Variants in CHD2 observed in about 807,000 individuals in gnomAD.
CHD2 encodes the protein chromodomain helicase DNA binding protein 2.
In CHD2, 28 loss-of-function variants were observed where a neutral mutation model predicts 243.9. That is an observed-to-expected ratio of 0.11 (90% CI 0.09 to 0.16). The LOEUF is 0.16. Ranked by LOEUF, CHD2 falls within the 10% of genes least tolerant of loss-of-function variation. CHD2 has a pLI of 1.00. For missense variants in CHD2, 1,386 were observed against 2,209.8 expected (o/e 0.63, Z 7.47); for synonymous variants, 775 against 779.0 (o/e 0.99, Z 0.09).
At chr15:92,985,718 A>C in intron 26 of CHD2, 45 bp downstream of exon 26, 1 of 1,571,138 alleles carries the variant, frequency 6.4e-7, no homozygotes, top group Non-Finnish European at 8.6e-7. Flanking sequence ...GAAAGTGCGT[A>C]CTGTAAGTCT....
rs2054585340 is a variant in CHD2 at position 93,026,172 on chromosome 15, A to G, written c.*1467A>G. On this transcript the variant is annotated 3_prime_UTR_variant, in exon 39 of 39. Transcript: ENST00000394196. ...TTGCCAGTATTGTTAAGAGTATCCA[A>G]AGGCCTTTCTAGATGGAGACAGAAT... 6.6e-6 allele frequency: 1 copy of G among 152,586 alleles called. No individual in the cohort carries two copies. The highest frequency in any genetic ancestry group is 2.4e-5 in the African/African-American group (1 of 41,438). The allele number at this position is 152,586 out of a possible 1,614,324, so 9.5% of individuals were successfully genotyped here. A position where few individuals can be genotyped will look rare whatever the true frequency, so the allele number is the denominator to read the frequency against.
intron 3 of CHD2, 31 bp downstream of exon 3, chr15:92,924,583 CTGCTAG>C (rs1567127105): frequency 6.3e-7 from 1 of 1,581,288 alleles, no homozygotes; most frequent in African/African-American, 1.3e-5. Context: ...TACAAATGTG[CTGCTAG>C]CCTAGGACAA....
At chr15:92,954,105 G>T (rs943947389) in intron 14 of CHD2, 1 of 153,204 alleles carries the variant, frequency 6.5e-6, no homozygotes, top group Non-Finnish European at 1.5e-5. Context: ...AGAACACAGT[G>T]ACTTAAGTTT....
At chr15:92,942,156 A>G (rs553424243) in intron 8 of CHD2, among the ~76,000 whole-genome samples, 9 of 152,328 alleles carry the variant, frequency 5.9e-5, no homozygotes, top group Admixed American at 3.3e-4. Context: ...TTAAGCTAGT[A>G]TAGATAAGTG....
chr15:93,000,477 T>G (rs2054240820), intron 31 of CHD2, 35 bp from the exon 32 acceptor site: 2 of 1,585,258 alleles, frequency 1.3e-6, no homozygotes, highest in Non-Finnish European at 1.7e-6. Context: ...GTGTCTTGAT[T>G]TGTATTTTAA....
Position 93,024,528 on chromosome 15 carries a change from G to A in CHD2, c.5310G>A (p.Leu1770=), listed in dbSNP as rs1450537733. The A allele has an allele frequency of 3.1e-6, 5 of 1,614,146 alleles. No homozygotes were observed. The East Asian group carries it at 1.1e-4, about 36-fold the overall frequency. Residue 1770 remains leucine, a synonymous_variant, in exon 39 of 39, where the codon CTG becomes CTA. Transcript: ENST00000394196. ...DHYRSFHTDK[L]GEYKQPLPPL... The stretch of plus-strand genomic sequence containing the variant: ...ACCGCTCTTTCCACACAGATAAACT[G>A]GGGGAATATAAACAGCCTCTACCCC...
chr15:92,938,069 A>G (rs895938866), intron 6 of CHD2, among the ~76,000 whole-genome samples: 1 of 152,236 alleles, frequency 6.6e-6, no homozygotes, highest in African/African-American at 2.4e-5. Flanking sequence ...AGCCTAAGAT[A>G]GTGATGACAG....
rs185225745 is a variant in CHD2, at chr15:92,979,233, C to A, written c.2826C>A (p.Arg942=). Residue 942 remains arginine (R), a synonymous_variant, in exon 22 of 39, where the codon CGC becomes CGA. Transcript: ENST00000394196. ...KMVLDHLVIQ[R]MDTTGRTILE... ...TATTAGATCATCTGGTGATTCAGCG[C>A]ATGGACACCACTGGCCGGACGATCC... The A allele has an allele frequency of 6.2e-7, 1 of 1,614,086 alleles. No homozygotes were observed. Among genetic ancestry groups the A allele is most frequent in the African/African-American group, 1.3e-5 (1 of 75,014 alleles).
intron 2 of CHD2, among the ~76,000 whole-genome samples, chr15:92,920,233 G>A (rs1460323648): frequency 1.3e-5 from 2 of 152,004 alleles, no homozygotes; most frequent in Non-Finnish European, 2.9e-5. Context: ...ACACATAGCT[G>A]CACAAGAAGA....
intron 2 of CHD2, among the ~76,000 whole-genome samples, chr15:92,908,526 T>G (rs946192136): frequency 6.6e-6 from 1 of 152,184 alleles, no homozygotes; most frequent in Non-Finnish European, 1.5e-5. Flanking sequence ...TCCCTGCCCC[T>G]AGGATCTAGT....
chr15:93,020,152 G>A lies in CHD2; in HGVS notation c.5047G>A (p.Ala1683Thr), dbSNP rs747794466. Residue 1683 changes from alanine to threonine, a missense_variant, in exon 38 of 39, where the codon GCC (alanine) becomes ACC (threonine). By Grantham distance (58) the Ala-to-Thr change is moderately conservative. This residue lies in a region of CHD2 where 347 missense variants were observed against 341.6 expected (regional missense o/e 1.02). Coordinates refer to ENST00000394196, the MANE Select transcript of CHD2 (RefSeq NM_001271.4). Reference sequence around the variant, plus strand: ...TTATGGGGACCGGCGACATATGGATGCCCACCGTTCCGGAAGCTATCGACC... The same window carrying A: ...TTATGGGGACCGGCGACATATGGATACCCACCGTTCCGGAAGCTATCGACC... ...HHYGDRRHMD[A>T]HRSGSYRPNN... The A allele has an allele frequency of 3.5e-5, 56 of 1,613,984 alleles. No homozygotes were observed. The highest frequency in any genetic ancestry group is 1.2e-4 in the South Asian group (11 of 91,072).
rs746349198 is a variant in CHD2 at position 92,985,631 on chromosome 15, G to A, written c.3371G>A (p.Arg1124Gln). Residue 1124 changes from arginine to glutamine, a missense_variant, in exon 26 of 39, where the codon CGG (arginine) becomes CAG (glutamine). By Grantham distance (43) the Arg-to-Gln change is conservative (BLOSUM62 1). Transcript: ENST00000394196. ...PKRRGRPRSV[R>Q]KDLVEGFTDA... ...CGCAGAGGGCGTCCGAGGAGTGTGC[G>A]GAAGGACCTCGTGGAGGGATTTACT... 20 of 1,613,490 alleles carry A rather than the reference G, an allele frequency of 1.2e-5. No homozygotes were observed. Among genetic ancestry groups the A allele is most frequent in the African/African-American group, 2.7e-5 (2 of 74,940 alleles).
chr15:92,940,798 T>A (rs1244958423), intron 7 of CHD2, among the ~76,000 whole-genome samples: 1 of 136,518 alleles, frequency 7.3e-6, no homozygotes, highest in Non-Finnish European at 1.6e-5. Context: ...TATATAAATA[T>A]ATAAATAAAT....
chr15:92,907,904 G>A (rs950288097), intron 2 of CHD2, among the ~76,000 whole-genome samples: 3 of 151,496 alleles, frequency 2.0e-5, no homozygotes, highest in Non-Finnish European at 4.4e-5. Context: ...AGGAGAGTTT[G>A]TTTAGGCCAG....
At chr15:93,015,861 G>A (rs1567165139) in intron 37 of CHD2, among the ~76,000 whole-genome samples, 1 of 152,146 alleles carries the variant, frequency 6.6e-6, no homozygotes. Flanking sequence ...AAAGATAAGG[G>A]TTGCCAAGGA....
intron 20 of CHD2, 109 bp from the exon 21 acceptor site, chr15:92,978,125 C>T: frequency 7.9e-7 from 1 of 1,259,182 alleles, no homozygotes; most frequent in Non-Finnish European, 1.1e-6. Context: ...TCCATCATAT[C>T]TCACTTTTCT....
At chr15:92,991,983 C>T (rs1440527872) in intron 27 of CHD2, among the ~76,000 whole-genome samples, 1 of 152,230 alleles carries the variant, frequency 6.6e-6, no homozygotes, top group South Asian at 2.1e-4. Context: ...ATAAAAACTT[C>T]CAAAAGGGTA....
At chr15:92,923,694 T>C (rs377680505) in intron 2 of CHD2, among the ~76,000 whole-genome samples, 76 of 151,712 alleles carry the variant, frequency 5.0e-4, no homozygotes, top group African/African-American at 1.8e-3. Context: ...GTCTCCCGAG[T>C]AGCTTAGACT....
At chr15:93,019,259 G>A (rs1432197980) in intron 37 of CHD2, among the ~76,000 whole-genome samples, 9 of 152,138 alleles carry the variant, frequency 5.9e-5, no homozygotes, top group East Asian at 1.9e-4. Context: ...TGAAATAAAC[G>A]TTAGATGTGT....
Sources: allele counts gnomAD v4.1 joint callset (sites outside exome capture counted in the v4.1 genomes callset), GRCh38; gene constraint gnomAD v4.1.1; regional missense constraint gnomAD v4.1.1; transcripts MANE v1.5; gene names NCBI Gene and HGNC (gene_info 2026-07-23, HGNC 2026-07-21).